The following MYO1D variants were observed in gnomAD, a reference collection of about 807,000 sequenced individuals.
The protein encoded by MYO1D is unconventional myosin-Id.
Under a neutral mutation model 122.0 loss-of-function variants are expected in MYO1D, and 83 were observed. That is an observed-to-expected ratio of 0.68 (90% CI 0.57 to 0.82). MYO1D has a LOEUF of 0.82. Among genes scored for constraint, MYO1D ranks in the 40% least tolerant of loss-of-function variants. The pLI is 0.00. For synonymous variants in MYO1D, 464 were observed against 446.9 expected, an observed-to-expected ratio of 1.04 and a Z score of -0.48; for missense variants, 1,157 against 1,269.5, an observed-to-expected ratio of 0.91 and a Z score of 1.35.
At chr17:32,495,125 C>T (rs1453952662) in intron 21 of MYO1D, among the ~76,000 whole-genome samples, 2 of 152,216 alleles carry the variant, frequency 1.3e-5, no homozygotes, top group African/African-American at 4.8e-5. Flanking sequence ...CATGGCAGGG[C>T]CCTTGGCTCC....
chr17:32,694,337 C>T (rs1027948883), intron 16 of MYO1D, among the ~76,000 whole-genome samples: 1 of 152,148 alleles, frequency 6.6e-6, no homozygotes, highest in Non-Finnish European at 1.5e-5. Flanking sequence ...CAATGACCTA[C>T]TAATTGCCAG....
intron 1 of MYO1D, among the ~76,000 whole-genome samples, chr17:32,838,567 C>G (rs2090849343): frequency 6.6e-6 from 1 of 152,052 alleles, no homozygotes; most frequent in African/African-American, 2.4e-5. Context: ...GGGAAAAGTA[C>G]AGGCAAGAGC....
At chr17:32,757,964 T>C (rs1169828917) in intron 10 of MYO1D, among the ~76,000 whole-genome samples, 4 of 152,078 alleles carry the variant, frequency 2.6e-5, no homozygotes, top group African/African-American at 9.7e-5. Context: ...GTTAAAATGA[T>C]TTGCAAACTA....
intron 20 of MYO1D, among the ~76,000 whole-genome samples, chr17:32,620,242 A>G (rs2087837428): frequency 6.6e-6 from 1 of 152,106 alleles, no homozygotes; most frequent in African/African-American, 2.4e-5. Context: ...AGCCTCCTTG[A>G]CACCAGCCCA....
At chr17:32,863,267 C>T (rs193240197) in intron 1 of MYO1D, among the ~76,000 whole-genome samples, 22 of 152,324 alleles carry the variant, frequency 1.4e-4, no homozygotes, top group South Asian at 6.2e-4. Flanking sequence ...ACCTTACCTA[C>T]TTAGAACTCA....
intron 21 of MYO1D, among the ~76,000 whole-genome samples, chr17:32,559,446 G>C (rs1367462862): frequency 3.9e-5 from 6 of 152,216 alleles, no homozygotes; most frequent in African/African-American, 1.4e-4. Flanking sequence ...TTTCAGCTGA[G>C]TTTCAGCCAA....
At chr17:32,822,755 C>T (rs1441508183) in intron 1 of MYO1D, among the ~76,000 whole-genome samples, 3 of 151,480 alleles carry the variant, frequency 2.0e-5, no homozygotes, top group Non-Finnish European at 2.9e-5. Flanking sequence ...CAGCAGGCGG[C>T]GAGGCCCGGG....
chr17:32,790,948 CA>C (rs1376217477), intron 1 of MYO1D, among the ~76,000 whole-genome samples: 4 of 152,160 alleles, frequency 2.6e-5, no homozygotes, highest in Non-Finnish European at 5.9e-5. Flanking sequence ...AGGGAAAGTA[CA>C]AAATGAGCTT....
At chr17:32,674,076 T>C (rs556362802) in intron 16 of MYO1D, among the ~76,000 whole-genome samples, 2 of 152,322 alleles carry the variant, frequency 1.3e-5, no homozygotes, top group East Asian at 3.9e-4. Context: ...CAATGTCAAC[T>C]TCCATGTATG....
chr17:32,638,017 C>T (rs1014667901), intron 20 of MYO1D, among the ~76,000 whole-genome samples: 1 of 152,188 alleles, frequency 6.6e-6, no homozygotes, highest in African/African-American at 2.4e-5. Context: ...ACACAGTCTT[C>T]CTTCTTTAAC....
intron 10 of MYO1D, 69 bp downstream of exon 10, chr17:32,760,220 TA>T: frequency 1.6e-6 from 2 of 1,289,096 alleles, no homozygotes; most frequent in Non-Finnish European, 2.2e-6. Context: ...AAGAAATACC[TA>T]AAATAAAATT....
intron 21 of MYO1D, 63 bp from the exon 22 acceptor site, chr17:32,494,978 C>G (rs956006160): frequency 3.4e-6 from 5 of 1,475,914 alleles, no homozygotes; most frequent in Non-Finnish European, 2.7e-6. Context: ...GGCACCTGCC[C>G]GGCAGCTCCC....
chr17:32,538,307 G>T lies in MYO1D; in HGVS notation c.2865-43392C>A, dbSNP rs796266379. Among the ~76,000 whole-genome samples, 4 of 149,388 alleles carry T rather than the reference G, an allele frequency of 2.7e-5. 1 individual carries two copies. Among genetic ancestry groups the T allele is most frequent in the African/African-American group, 9.9e-5 (4 of 40,594 alleles). On this transcript the variant is annotated intron_variant, in intron 21 of 21. Transcript: ENST00000318217. ...CTTTTTTTTTTTTTTTAGAGACAGG[G>T]TCTAGCTCTGTTGCTCAGGCTGGAG... is the stretch of plus-strand genomic sequence containing the variant.
At chr17:32,669,785 A>G (rs1305581776) in intron 16 of MYO1D, among the ~76,000 whole-genome samples, 2 of 152,254 alleles carry the variant, frequency 1.3e-5, no homozygotes, top group African/African-American at 4.8e-5. Context: ...TTGTGTATAA[A>G]GCTTACTTTA....
intron 21 of MYO1D, among the ~76,000 whole-genome samples, chr17:32,565,896 T>G (rs2087169016): frequency 6.6e-6 from 1 of 152,106 alleles, no homozygotes; most frequent in Non-Finnish European, 1.5e-5. Flanking sequence ...AATTTTTTTT[T>G]GTATTTTTCA....
intron 14 of MYO1D, among the ~76,000 whole-genome samples, chr17:32,732,253 G>A (rs538707204): frequency 6.6e-6 from 1 of 152,350 alleles, no homozygotes; most frequent in Non-Finnish European, 1.5e-5. Flanking sequence ...TGCCTGGGCA[G>A]AAAGGGGTGG....
chr17:32,581,504 C>T (rs746920966), intron 21 of MYO1D, among the ~76,000 whole-genome samples: 2 of 151,100 alleles, frequency 1.3e-5, no homozygotes, highest in Non-Finnish European at 3.0e-5. Flanking sequence ...CCTCCCTTCC[C>T]TTTTCCTTTT....
chr17:32,567,635 T>G (rs1374540581), intron 21 of MYO1D, among the ~76,000 whole-genome samples: 1 of 152,246 alleles, frequency 6.6e-6, no homozygotes, highest in Non-Finnish European at 1.5e-5. Flanking sequence ...ATGAACATGC[T>G]AAGAACTTGG....
At chr17:32,693,289 T>C (rs2089128382) in intron 16 of MYO1D, among the ~76,000 whole-genome samples, 1 of 150,906 alleles carries the variant, frequency 6.6e-6, no homozygotes, top group South Asian at 2.1e-4. Context: ...TCACCACCTA[T>C]AGGGGCCAGA....
Sources: gnomAD v4.1 joint callset for allele counts (sites outside exome capture counted in the v4.1 genomes callset) on GRCh38, gnomAD v4.1.1 for gene constraint, MANE v1.5 for transcripts, NCBI Gene and HGNC (gene_info 2026-07-23, HGNC 2026-07-21) for gene names.